The following CAMK2B variants were observed in gnomAD, a reference collection of about 807,000 sequenced individuals.
CAMK2B encodes calcium/calmodulin-dependent protein kinase type II subunit beta.
In CAMK2B, 27 loss-of-function variants were observed where a neutral mutation model predicts 93.7. That is an observed-to-expected ratio of 0.29 (90% CI 0.21 to 0.40). CAMK2B has a LOEUF of 0.40. Among genes scored for constraint, CAMK2B ranks in the 10% least tolerant of loss-of-function variants. CAMK2B has a pLI of 1.00. For synonymous variants in CAMK2B, 374 were observed against 358.8 expected (o/e 1.04, Z -0.48); for missense variants, 568 against 895.8 (o/e 0.63, Z 4.67).
intron 6 of CAMK2B, among the ~76,000 whole-genome samples, chr7:44,246,438 CACAG>C (rs1032495713): frequency 1.6e-4 from 24 of 152,172 alleles, no homozygotes; most frequent in South Asian, 4.1e-4. Context: ...CACATGCCCA[CACAG>C]ACACACACAC....
chr7:44,232,888 G>A, intron 15 of CAMK2B, 22 bp from the exon 16 acceptor site: 1 of 1,611,142 alleles, frequency 6.2e-7, no homozygotes, highest in African/African-American at 1.3e-5. Flanking sequence ...GGAAGACACA[G>A]AGGAAGGAAA....
intron 1 of CAMK2B, among the ~76,000 whole-genome samples, chr7:44,293,431 C>T (rs374703620): frequency 2.6e-5 from 4 of 152,240 alleles, no homozygotes; most frequent in East Asian, 1.9e-4. Context: ...TTAACGTGGT[C>T]GTCGTCACTT....
chr7:44,230,867 T>C, intron 17 of CAMK2B, 139 bp downstream of exon 17: 1 of 676,732 alleles, frequency 1.5e-6, no homozygotes, highest in South Asian at 1.9e-5. Context: ...GGATTACAGC[T>C]ACAGGGTCCC....
At chr7:44,270,684 C>A (rs1321059062) in intron 2 of CAMK2B, among the ~76,000 whole-genome samples, 3 of 152,330 alleles carry the variant, frequency 2.0e-5, no homozygotes, top group South Asian at 4.1e-4. Context: ...TGTCAAGTAG[C>A]GCTGTTCCTG....
At chr7:44,221,946 C>T (rs1473962739) in intron 20 of CAMK2B, among the ~76,000 whole-genome samples, 1 of 152,234 alleles carries the variant, frequency 6.6e-6, no homozygotes, top group East Asian at 1.9e-4. Context: ...TAAAGCACCG[C>T]ACATGTAGTT....
chr7:44,291,568 A>G (rs968011687), intron 1 of CAMK2B, among the ~76,000 whole-genome samples: 1 of 152,230 alleles, frequency 6.6e-6, no homozygotes, highest in African/African-American at 2.4e-5. Context: ...CATGTGCCTT[A>G]TCAGCACGGG....
At chr7:44,234,313 G>T (rs2096605549) in intron 15 of CAMK2B, 77 bp downstream of exon 15, 7 of 1,322,202 alleles carry the variant, frequency 5.3e-6, no homozygotes, top group Non-Finnish European at 6.1e-6. Context: ...CCTTCACCCG[G>T]CCCCCTCTGA....
intron 2 of CAMK2B, among the ~76,000 whole-genome samples, chr7:44,282,021 G>A (rs2097105901): frequency 6.6e-6 from 1 of 152,170 alleles, no homozygotes; most frequent in Non-Finnish European, 1.5e-5. Context: ...CATTCCAGAG[G>A]CTCTACCATG....
chr7:44,219,715 C>T (rs1388803236), intron 23 of CAMK2B, 193 bp from the exon 24 acceptor site: 1 of 366,172 alleles, frequency 2.7e-6, no homozygotes, highest in African/African-American at 2.1e-5. Context: ...CTGCACCCAC[C>T]ACCTGGGGAA....
intron 1 of CAMK2B, among the ~76,000 whole-genome samples, chr7:44,310,127 T>G (rs1038252848): frequency 6.6e-6 from 1 of 152,264 alleles, no homozygotes; most frequent in Non-Finnish European, 1.5e-5. Context: ...GCTTGCTGCT[T>G]TTTTCCTGCA....
chr7:44,241,466 TA>T (rs1233856919), intron 11 of CAMK2B, among the ~76,000 whole-genome samples: 5 of 152,310 alleles, frequency 3.3e-5, no homozygotes, highest in South Asian at 4.1e-4. Flanking sequence ...CAAGGGCTGC[TA>T]GGAGGTGGCA....
intron 20 of CAMK2B, among the ~76,000 whole-genome samples, chr7:44,222,316 G>A (rs1004650554): frequency 6.6e-6 from 1 of 152,160 alleles, no homozygotes; most frequent in Non-Finnish European, 1.5e-5. Context: ...TGCCCGCCCT[G>A]CAGGACACCA....
chr7:44,220,356 C>T lies in CAMK2B; in HGVS notation c.1769-62G>A, dbSNP rs377494795. 19 of 1,295,452 alleles carry T rather than the reference C, an allele frequency of 1.5e-5. No individual in the cohort carries two copies. In the East Asian group the frequency reaches 3.8e-4, roughly 26 times the overall value. 80.2% of individuals were successfully genotyped at this position (1,295,452 alleles called of 1,614,324 possible). A position where few individuals can be genotyped will look rare whatever the true frequency, so the allele number is the denominator to read the frequency against. Reference sequence around the variant, plus strand: ...CATGACTGCCCTGGTGCCCGTCTTCCACCCCACCAGCCTAATCCTTTCCCT... The same window carrying T: ...CATGACTGCCCTGGTGCCCGTCTTCTACCCCACCAGCCTAATCCTTTCCCT... On this transcript the variant is annotated intron_variant, in intron 22 of 23. Transcript: ENST00000395749.
chr7:44,308,778 G>C (rs1393694763), intron 1 of CAMK2B, among the ~76,000 whole-genome samples: 1 of 152,194 alleles, frequency 6.6e-6, no homozygotes. Flanking sequence ...CACAGAGAAG[G>C]CACTTTGCCC....
intron 23 of CAMK2B, among the ~76,000 whole-genome samples, chr7:44,219,786 C>T (rs2096375678): frequency 6.6e-6 from 1 of 152,192 alleles, no homozygotes; most frequent in Non-Finnish European, 1.5e-5. Flanking sequence ...ACTGTGCTGC[C>T]CGGGGCCCAT....
At chr7:44,277,039 A>AT (rs1247075796) in intron 2 of CAMK2B, among the ~76,000 whole-genome samples, 1 of 152,130 alleles carries the variant, frequency 6.6e-6, no homozygotes, top group African/African-American at 2.4e-5. Context: ...GCCGCTAACC[A>AT]GGGTCACCCC....
chr7:44,289,966 T>A (rs1033802079), intron 1 of CAMK2B, among the ~76,000 whole-genome samples: 1 of 152,210 alleles, frequency 6.6e-6, no homozygotes, highest in African/African-American at 2.4e-5. Flanking sequence ...CCTCCCCAAG[T>A]GCTGGGGCCT....
At chr7:44,317,024 T>C (rs1794971685) in intron 1 of CAMK2B, among the ~76,000 whole-genome samples, 1 of 152,152 alleles carries the variant, frequency 6.6e-6, no homozygotes, top group African/African-American at 2.4e-5. Flanking sequence ...TTAGTATTTA[T>C]GTTTATTGCC....
At chr7:44,300,014 A>C (rs377259228) in intron 1 of CAMK2B, among the ~76,000 whole-genome samples, 1 of 125,108 alleles carries the variant, frequency 8.0e-6, no homozygotes, top group Non-Finnish European at 1.7e-5. Context: ...GTATATGTGT[A>C]TGTGTCTGTG....
Sources: allele counts gnomAD v4.1 joint callset (sites outside exome capture counted in the v4.1 genomes callset), GRCh38; gene constraint gnomAD v4.1.1; transcripts MANE v1.5; gene names NCBI Gene and HGNC (gene_info 2026-07-23, HGNC 2026-07-21).